Variants in TENM3 observed in about 807,000 individuals in gnomAD.
The protein encoded by TENM3 is teneurin transmembrane protein 3.
TENM3 carries 63 observed loss-of-function variants against 255.1 expected under a neutral mutation model. The ratio of observed to expected loss-of-function variants is 0.25; its 90% CI spans 0.20 to 0.30. The LOEUF (loss-of-function observed/expected upper bound fraction) is 0.30, where lower values mean the gene tolerates loss of function less well. TENM3 is among the 10% of genes least tolerant of loss of function. The probability of loss-of-function intolerance (pLI) is 1.00; values close to 1 mark genes in which losing one functional copy is unlikely to be tolerated. For synonymous variants in TENM3, 1,306 were observed against 1,322.3 expected (o/e 0.99, Z 0.27); for missense variants, 2,929 against 3,461.1 (o/e 0.85, Z 3.86).
the TENM3 span, among the ~76,000 whole-genome samples, chr4:181,924,554 A>C: frequency 6.6e-6 from 1 of 152,224 alleles, no homozygotes. Context: ...TAGTCTAATC[A>C]TTCCTTACTT....
chr4:182,419,912 A>G (rs1770690294), intron 3 of TENM3, among the ~76,000 whole-genome samples: 1 of 151,994 alleles, frequency 6.6e-6, no homozygotes, highest in Non-Finnish European at 1.5e-5. Context: ...AGATATACGT[A>G]ATGTAAATGA....
chr4:182,111,213 T>TTTTA, the TENM3 span, among the ~76,000 whole-genome samples: 1 of 147,022 alleles, frequency 6.8e-6, no homozygotes, highest in Non-Finnish European at 1.5e-5. Context: ...TTTTTTTTTT[T>TTTTA]AATTAGCCTT....
At chr4:181,775,611 A>G in the TENM3 span, among the ~76,000 whole-genome samples, 4 of 152,152 alleles carry the variant, frequency 2.6e-5, no homozygotes, top group Admixed American at 6.6e-5. Flanking sequence ...GAAGAAGTAA[A>G]GACACAGTCT....
In TENM3 at chr4:182,250,548, C is replaced by A. The variant is rs892064636; in HGVS notation, c.-76+7072C>A. On this transcript the variant is annotated intron_variant, in intron 1 of 27. Transcript: ENST00000511685. Reference sequence around the variant, plus strand: ...TTCCTTTGCCAAACCCCAGATTTCCCACTTCAGTGTACTACATGTTGGAGG... The same window carrying A: ...TTCCTTTGCCAAACCCCAGATTTCCAACTTCAGTGTACTACATGTTGGAGG... 5.3e-5 allele frequency among the ~76,000 whole-genome samples: 8 copies of A among 152,164 alleles called. 1 individual carries two copies. Among genetic ancestry groups the A allele is most frequent in the Non-Finnish European group, 1.2e-4 (8 of 68,024 alleles).
chr4:181,763,977 G>A, the TENM3 span, among the ~76,000 whole-genome samples: 1 of 152,102 alleles, frequency 6.6e-6, no homozygotes, highest in Admixed American at 6.5e-5. Context: ...GTTGCCTAGA[G>A]CTGATTTGTC....
intron 3 of TENM3, among the ~76,000 whole-genome samples, chr4:182,451,831 A>G (rs1194552662): frequency 6.6e-6 from 1 of 152,202 alleles, no homozygotes; most frequent in African/African-American, 2.4e-5. Context: ...GGGCTTTGGA[A>G]CATCAGTTCT....
At chr4:182,645,228 A>G (rs942812556) in intron 5 of TENM3, among the ~76,000 whole-genome samples, 1 of 151,996 alleles carries the variant, frequency 6.6e-6, no homozygotes, top group Non-Finnish European at 1.5e-5. Flanking sequence ...TGTCTTTAGT[A>G]AAGTTTGAAG....
At chr4:181,917,647 CTTCTTTTTTTTTT>C in the TENM3 span, among the ~76,000 whole-genome samples, 8 of 148,922 alleles carry the variant, frequency 5.4e-5, no homozygotes, top group African/African-American at 1.2e-4. Flanking sequence ...GTTCCTCAGA[CTTCTTTTTTTTTT>C]TTCTTTTTTT....
the TENM3 span, among the ~76,000 whole-genome samples, chr4:181,889,337 C>T: frequency 6.6e-6 from 1 of 152,118 alleles, no homozygotes; most frequent in Non-Finnish European, 1.5e-5. Flanking sequence ...CATGCCGGCT[C>T]CCCGTTCCCT....
the TENM3 span, among the ~76,000 whole-genome samples, chr4:181,447,761 G>A: frequency 6.6e-6 from 1 of 152,156 alleles, no homozygotes; most frequent in Non-Finnish European, 1.5e-5. Context: ...TTCCTAGGAA[G>A]TCTGGGGAGC....
the TENM3 span, among the ~76,000 whole-genome samples, chr4:181,560,141 T>G: frequency 6.6e-6 from 1 of 152,224 alleles, no homozygotes; most frequent in Non-Finnish European, 1.5e-5. Context: ...GTTCAAGGTT[T>G]AGGCACTAGC....
At chr4:181,986,183 C>T in the TENM3 span, among the ~76,000 whole-genome samples, 1 of 152,048 alleles carries the variant, frequency 6.6e-6, no homozygotes, top group Non-Finnish European at 1.5e-5. Flanking sequence ...AACTTCCTAT[C>T]GCACTGACAA....
chr4:182,324,378 G>A (rs1763260852), intron 2 of TENM3, 126 bp downstream of exon 2: 3 of 720,396 alleles, frequency 4.2e-6, no homozygotes, highest in Non-Finnish European at 7.2e-6. Flanking sequence ...TTCTGATTTT[G>A]AGATATTAGA....
the TENM3 span, chr4:181,874,335 TCTAA>T: frequency 2.0e-5 from 3 of 152,258 alleles, no homozygotes; most frequent in Non-Finnish European, 4.4e-5. Context: ...GTCAAAAATG[TCTAA>T]CTATTAGTGT....
chr4:181,910,348 C>T, the TENM3 span, among the ~76,000 whole-genome samples: 2 of 151,826 alleles, frequency 1.3e-5, no homozygotes, highest in East Asian at 1.9e-4. Context: ...GGACAGATCA[C>T]GAGGTCAGGA....
chr4:182,738,294 CA>C, intron 17 of TENM3, 106 bp from the exon 18 acceptor site: 1 of 888,722 alleles, frequency 1.1e-6, no homozygotes, highest in South Asian at 2.8e-5. Flanking sequence ...AGTGGAAATA[CA>C]GTCTCAGAAC....
chr4:181,767,114 T>A, the TENM3 span, among the ~76,000 whole-genome samples: 5 of 142,080 alleles, frequency 3.5e-5, no homozygotes, highest in Admixed American at 1.4e-4. Flanking sequence ...TAGCAGGGCG[T>A]GGTGGCGGGC....
chr4:182,264,582 T>G (rs973663286), intron 1 of TENM3, among the ~76,000 whole-genome samples: 1 of 151,586 alleles, frequency 6.6e-6, no homozygotes, highest in Admixed American at 6.6e-5. Flanking sequence ...GTAGCTAAGG[T>G]TTTTGCCCTT....
rs755588039 is a variant in TENM3, at chr4:182,799,749, G to A, written c.7498G>A (p.Val2500Ile). The A allele has an allele frequency of 1.3e-6, 2 of 1,567,606 alleles. No homozygotes were observed. The highest frequency in any genetic ancestry group is 1.2e-5 in the South Asian group (1 of 85,118). Residue 2500 changes from valine (V) to isoleucine (I), a missense_variant, in exon 28 of 28, where the codon GTC becomes ATC. By Grantham distance (29) the Val-to-Ile change is conservative. Transcript: ENST00000511685. The surrounding 1 kb of genome is among the most constrained non-coding windows in gnomAD (Gnocchi z 4.2). ...GGTCAAGTCGCTGATCGGCAAGGGC[G>A]TCATGCTGGCCGTCAGCCAGGGCCG... ...ATVKSLIGKG[V>I]MLAVSQGRVQ...
Sources: allele counts gnomAD v4.1 joint callset (sites outside exome capture counted in the v4.1 genomes callset), GRCh38; gene constraint gnomAD v4.1.1; non-coding constraint Gnocchi (gnomAD v3.1); transcripts MANE v1.5; gene names NCBI Gene and HGNC (gene_info 2026-07-23, HGNC 2026-07-21).